The following HOOK3 variants were observed in gnomAD, a reference collection of about 807,000 sequenced individuals.
HOOK3 encodes the protein protein Hook homolog 3.
A neutral mutation model predicts 116.3 loss-of-function variants in HOOK3; 24 were observed. That is an observed-to-expected ratio of 0.21 (90% CI 0.15 to 0.29). HOOK3 has a LOEUF of 0.29. Among genes scored for constraint, HOOK3 ranks in the 10% least tolerant of loss-of-function variants. The pLI, the probability that HOOK3 is intolerant of heterozygous loss-of-function variation, is 1.00. For synonymous variants in HOOK3, 275 were observed against 283.0 expected (o/e 0.97, Z 0.28); for missense variants, 632 against 830.2 (o/e 0.76, Z 2.93).
chr8:43,004,818 A>C (rs1302459208), intron 17 of HOOK3, among the ~76,000 whole-genome samples: 2 of 152,146 alleles, frequency 1.3e-5, no homozygotes, highest in African/African-American at 4.8e-5. Context: ...GTAGGAGCAT[A>C]CATCAGTCTG....
chr8:43,012,516 TA>T (rs959037258), intron 19 of HOOK3, among the ~76,000 whole-genome samples: 1 of 152,240 alleles, frequency 6.6e-6, no homozygotes, highest in East Asian at 1.9e-4. Flanking sequence ...TTTATATAAG[TA>T]AAAAGTTTTA....
intron 14 of HOOK3, 35 bp downstream of exon 14, chr8:42,982,731 C>T (rs748924340): frequency 1.5e-6 from 2 of 1,359,080 alleles, no homozygotes; most frequent in African/African-American, 1.4e-5. Context: ...TTACACTGCA[C>T]AGTATTCTTG....
rs952433597 is a variant in HOOK3, at chr8:42,939,305, C to T, written c.268-4008C>T. On this transcript the variant is annotated intron_variant, in intron 4 of 21. Transcript: ENST00000307602. ...CCCAGTAGGGGCGGCCGGGCAGAGGCGCCCCTCACCTCCCGGACGGGGCGG... is the reference window on the plus strand; with the variant it reads ...CCCAGTAGGGGCGGCCGGGCAGAGGTGCCCCTCACCTCCCGGACGGGGCGG... Among the ~76,000 whole-genome samples the T allele has an allele frequency of 1.3e-4, 19 of 151,854 alleles. No individual in the cohort carries two copies. In the East Asian group the frequency reaches 2.0e-3, roughly 16 times the overall value.
chr8:42,943,007 C>T (rs1808157165), intron 4 of HOOK3, among the ~76,000 whole-genome samples: 2 of 152,142 alleles, frequency 1.3e-5, no homozygotes, highest in Admixed American at 1.3e-4. Context: ...AGTTCATAAC[C>T]ATTTTAGTTC....
chr8:43,013,536 C>T, intron 21 of HOOK3, 136 bp downstream of exon 21: 1 of 651,766 alleles, frequency 1.5e-6, no homozygotes, highest in Non-Finnish European at 2.4e-6. Flanking sequence ...CTAACAGAAT[C>T]TTAATGTTAT....
chr8:42,988,657 C>T (rs1809095397), intron 15 of HOOK3, among the ~76,000 whole-genome samples: 1 of 146,024 alleles, frequency 6.8e-6, no homozygotes, highest in Non-Finnish European at 1.5e-5. Context: ...ATTTACTAAG[C>T]ACCTGTTTGT....
chr8:43,029,820 T>A lies in HOOK3; in HGVS notation c.*11322T>A. On this transcript the variant is annotated 3_prime_UTR_variant, in exon 22 of 22. Transcript: ENST00000307602. ...CCTTAGTACATTGGAGCTGGAGTTG[T>A]ATTGAGTACAGCCCCAACTCTGAAG... 4.7e-6 allele frequency: 1 copy of A among 212,192 alleles called. No individual in the cohort carries two copies. Among genetic ancestry groups the A allele is most frequent in the Non-Finnish European group, 9.5e-6 (1 of 104,864 alleles). The allele number at this position is 212,192 out of a possible 1,614,324, so 13.1% of individuals were successfully genotyped here. A position where few individuals can be genotyped will look rare whatever the true frequency, so the allele number is the denominator to read the frequency against.
Position 42,986,661 on chromosome 8 carries a change from A to G in HOOK3, c.1398A>G (p.Lys466=), listed in dbSNP as rs1410300074. The G allele has an allele frequency of 2.5e-6, 4 of 1,610,228 alleles. No homozygotes were observed. The highest frequency in any genetic ancestry group is 3.4e-6 in the Non-Finnish European group (4 of 1,178,554). The change falls in exon 15 of 22, where the codon AAA becomes AAG. Residue 466 remains lysine, a synonymous_variant. Coordinates refer to ENST00000307602, the MANE Select transcript of HOOK3 (RefSeq NM_032410.4). The stretch of plus-strand genomic sequence containing the variant: ...TTTTATTTTGTTCATTCAGGGAGAA[A>G]CTTATTCGTCTTCAGCATGAGAATA... ...AEIVTPEIRE[K]LIRLQHENKM...
intron 4 of HOOK3, among the ~76,000 whole-genome samples, chr8:42,931,046 C>T (rs982884677): frequency 6.6e-6 from 1 of 152,188 alleles, no homozygotes; most frequent in Non-Finnish European, 1.5e-5. Context: ...AGAATCATAT[C>T]CACATTCTTA....
chr8:42,988,200 A>T (rs1017427669), intron 15 of HOOK3, among the ~76,000 whole-genome samples: 2 of 152,190 alleles, frequency 1.3e-5, no homozygotes, highest in African/African-American at 2.4e-5. Context: ...GGGATTTTTT[A>T]AAGTACTCAG....
At chr8:43,005,995 T>TATTC (rs1376954984) in intron 17 of HOOK3, among the ~76,000 whole-genome samples, 1 of 129,618 alleles carries the variant, frequency 7.7e-6, no homozygotes, top group Non-Finnish European at 1.6e-5. Flanking sequence ...GCACCTGGTC[T>TATTC]ATTTATTTAT....
rs771444725 is a variant in HOOK3, at chr8:42,968,213, A to G, written c.1121A>G (p.Gln374Arg). 3 of 1,608,104 alleles carry G rather than the reference A, an allele frequency of 1.9e-6. No homozygotes were observed. Among genetic ancestry groups the G allele is most frequent in the Non-Finnish European group, 1.7e-6 (2 of 1,176,804 alleles). Residue 374 changes from glutamine to arginine, a missense_variant and splice_region_variant, in exon 11 of 22, where the codon CAG (glutamine) becomes CGG (arginine). Transcript: ENST00000307602. The part of the protein sequence containing the change: ...ARSQLETYKR[Q>R]VVELQNRLSE... ...AGTCAACTTGAAACCTACAAGAGAC[A>G]GGTAAAAGAAACACAGCATCTTGAT...
intron 7 of HOOK3, among the ~76,000 whole-genome samples, chr8:42,958,596 G>GTTTTTTTTTTT (rs71550434): frequency 2.8e-5 from 3 of 106,352 alleles, no homozygotes; most frequent in Non-Finnish European, 3.9e-5. Context: ...GTTTTTGATA[G>GTTTTTTTTTTT]TTTTTTTTTT....
At chr8:42,961,797 T>A (rs973549600) in intron 8 of HOOK3, among the ~76,000 whole-genome samples, 2 of 152,212 alleles carry the variant, frequency 1.3e-5, no homozygotes, top group Non-Finnish European at 2.9e-5. Flanking sequence ...TGTTTTGTTT[T>A]GTTTTTTGAG....
rs1176390371 is a variant in HOOK3, at chr8:43,018,230, G to GAGT, written c.2017-123_2017-121dup. The GAGT allele has an allele frequency of 6.1e-6, 5 of 813,414 alleles. No individual in the cohort carries two copies. In the African/African-American group the frequency reaches 8.7e-5, roughly 14 times the overall value. The allele number at this position is 813,414 out of a possible 1,614,324, so 50.4% of individuals were successfully genotyped here. ...CCTCTATGAGATTTTAATCTATAGT[G>GAGT]AGTAGTATTAACATTCCTAATTGTG... is the stretch of plus-strand genomic sequence containing the variant. On this transcript the variant is annotated intron_variant, in intron 21 of 21. Coordinates refer to ENST00000307602, the MANE Select transcript of HOOK3 (RefSeq NM_032410.4).
Position 43,027,350 on chromosome 8 carries a change from C to A in HOOK3, c.*8852C>A. The stretch of plus-strand genomic sequence containing the variant: ...ACTGAAATACTTGTTTATTATGTTA[C>A]ATAAATATGGACACAATTACTGCCA... On this transcript the variant is annotated 3_prime_UTR_variant, in exon 22 of 22. Transcript: ENST00000307602. 5.8e-6 allele frequency: 2 copies of A among 345,888 alleles called. No individual in the cohort carries two copies. Among genetic ancestry groups the A allele is most frequent in the Admixed American group, 4.2e-5 (1 of 23,580 alleles). The allele number at this position is 345,888 out of a possible 1,614,324, so 21.4% of individuals were successfully genotyped here.
chr8:42,924,998 A>G (rs1807735176), intron 2 of HOOK3, among the ~76,000 whole-genome samples: 1 of 151,802 alleles, frequency 6.6e-6, no homozygotes, highest in African/African-American at 2.4e-5. Flanking sequence ...CCCAAAAACT[A>G]TGTCATTGAT....
At chr8:43,015,228 A>G (rs968799779) in intron 21 of HOOK3, among the ~76,000 whole-genome samples, 6 of 152,142 alleles carry the variant, frequency 3.9e-5, no homozygotes, top group Middle Eastern at 3.2e-3. Context: ...GAATACTATT[A>G]TTGACAAATA....
chr8:42,899,054 T>C (rs1485462143), intron 1 of HOOK3, among the ~76,000 whole-genome samples: 3 of 151,738 alleles, frequency 2.0e-5, no homozygotes, highest in African/African-American at 4.9e-5. Context: ...CATTGTAAAG[T>C]TGAAAAGTCT....
Sources: allele counts gnomAD v4.1 joint callset (sites outside exome capture counted in the v4.1 genomes callset), GRCh38; gene constraint gnomAD v4.1.1; transcripts MANE v1.5; gene names NCBI Gene and HGNC (gene_info 2026-07-23, HGNC 2026-07-21).